The following PDSS2 variants were observed in gnomAD, a reference collection of about 807,000 sequenced individuals.
The protein encoded by PDSS2 is decaprenyl diphosphate synthase subunit 2, also known as all trans-polyprenyl-diphosphate synthase PDSS2.
A neutral mutation model predicts 44.5 loss-of-function variants in PDSS2; 31 were observed. The observed-to-expected ratio is 0.70, with a 90% CI of 0.52 to 0.94. PDSS2 has a LOEUF of 0.94. Ranked by LOEUF, PDSS2 falls within the 40% of genes least tolerant of loss-of-function variation. The pLI, the probability that PDSS2 is intolerant of heterozygous loss-of-function variation, is 0.00. For missense variants in PDSS2, 452 were observed against 482.2 expected (o/e 0.94, Z 0.59); for synonymous variants, 157 against 180.3 (o/e 0.87, Z 1.03).
chr6:107,327,659 G>A (rs891314514), intron 2 of PDSS2, among the ~76,000 whole-genome samples: 4 of 152,094 alleles, frequency 2.6e-5, no homozygotes, highest in East Asian at 1.9e-4. Flanking sequence ...GGGTTTCACC[G>A]CCTTGGCCAG....
At chr6:107,203,029 A>C (rs1445344725) in intron 6 of PDSS2, among the ~76,000 whole-genome samples, 1 of 151,104 alleles carries the variant, frequency 6.6e-6, no homozygotes, top group Non-Finnish European at 1.5e-5. Flanking sequence ...GAAATTTTAA[A>C]TTGCACAGTG....
In PDSS2 at chr6:107,200,076, C is replaced by T. The variant is rs369222779; in HGVS notation, c.1009-6222G>A. On this transcript the variant is annotated intron_variant, in intron 6 of 7. Coordinates refer to ENST00000369037, the MANE Select transcript of PDSS2 (RefSeq NM_020381.4). ...AAGTGCTTCAACCTTAAAAGCAGTG[C>T]GTCTAAAGGAAAAGACCTTAGAATG... is the stretch of plus-strand genomic sequence containing the variant. Among the ~76,000 whole-genome samples, 97 of 152,140 alleles carry T rather than the reference C, an allele frequency of 6.4e-4. 1 individual carries two copies. The highest frequency in any genetic ancestry group is 2.1e-3 in the African/African-American group (89 of 41,500).
chr6:107,408,095 T>G (rs900476971), intron 1 of PDSS2, among the ~76,000 whole-genome samples: 1 of 151,998 alleles, frequency 6.6e-6, no homozygotes, highest in Admixed American at 6.6e-5. Context: ...TGGCATGATC[T>G]TGGCTCACTG....
intron 1 of PDSS2, among the ~76,000 whole-genome samples, chr6:107,396,486 CATTGCCCAGTT>C (rs2114560003): frequency 6.6e-6 from 1 of 152,252 alleles, no homozygotes; most frequent in South Asian, 2.1e-4. Context: ...GTTTCAGGTA[CATTGCCCAGTT>C]ATTCAGTTGT....
chr6:107,291,373 G>T (rs1465091800), intron 2 of PDSS2, among the ~76,000 whole-genome samples: 2 of 144,652 alleles, frequency 1.4e-5, no homozygotes, highest in Admixed American at 6.9e-5. Context: ...TTTGAGACAG[G>T]GTCTCACTCT....
chr6:107,154,845 G>A, intron 7 of PDSS2, 68 bp from the exon 8 acceptor site: 1 of 1,357,044 alleles, frequency 7.4e-7, no homozygotes, highest in Non-Finnish European at 1.1e-6. Context: ...CAATTAAATT[G>A]GGGAGGGGAG....
At chr6:107,425,751 G>A (rs1780979292) in intron 1 of PDSS2, among the ~76,000 whole-genome samples, 1 of 152,162 alleles carries the variant, frequency 6.6e-6, no homozygotes, top group African/African-American at 2.4e-5. Flanking sequence ...CACGAGGTCA[G>A]GAAATCGAGA....
chr6:107,313,234 TGTTCAGAA>T (rs1195654386), intron 2 of PDSS2, among the ~76,000 whole-genome samples: 1 of 152,242 alleles, frequency 6.6e-6, no homozygotes, highest in Non-Finnish European at 1.5e-5. Context: ...TATACTTCCT[TGTTCAGAA>T]GTTCAGAATA....
chr6:107,334,321 T>C lies in PDSS2; in HGVS notation c.308A>G (p.His103Arg). 1.9e-6 allele frequency: 3 copies of C among 1,613,618 alleles called. No individual in the cohort carries two copies. Among genetic ancestry groups the C allele is most frequent in the Non-Finnish European group, 1.7e-6 (2 of 1,179,786 alleles). Residue 103 changes from histidine (H) to arginine (R), a missense_variant, in exon 2 of 8, where the codon CAT (histidine) becomes CGT (arginine). By Grantham distance (29) the His-to-Arg change is conservative (BLOSUM62 0). Transcript: ENST00000369037. ...PLLTTARGLVHDSWNSLQLRG... is the reference protein window; with the variant it reads ...PLLTTARGLVRDSWNSLQLRG... Reference sequence around the variant, plus strand: ...CAACTGGAGGCTATTCCAGCTGTCATGTACAAGCCCCCTGCCAACAAGCAA... The same window carrying C: ...CAACTGGAGGCTATTCCAGCTGTCACGTACAAGCCCCCTGCCAACAAGCAA...
intron 4 of PDSS2, among the ~76,000 whole-genome samples, chr6:107,243,347 G>A (rs1487741925): frequency 6.6e-6 from 1 of 152,110 alleles, no homozygotes; most frequent in Non-Finnish European, 1.5e-5. Context: ...ACTGTAAAGG[G>A]CTATCTAAGT....
intron 1 of PDSS2, among the ~76,000 whole-genome samples, chr6:107,455,149 A>G (rs1478052274): frequency 2.0e-5 from 3 of 151,174 alleles, no homozygotes; most frequent in Non-Finnish European, 2.9e-5. Context: ...TCACTGTACT[A>G]TAGTACTACA....
intron 1 of PDSS2, among the ~76,000 whole-genome samples, chr6:107,346,890 C>T (rs1778263898): frequency 6.6e-6 from 1 of 152,164 alleles, no homozygotes; most frequent in African/African-American, 2.4e-5. Context: ...TGATAGAGTT[C>T]GACCAGCAGA....
intron 1 of PDSS2, among the ~76,000 whole-genome samples, chr6:107,390,812 C>T (rs963829195): frequency 4.6e-5 from 7 of 152,032 alleles, no homozygotes; most frequent in African/African-American, 1.7e-4. Flanking sequence ...CCAGAATCAT[C>T]CTGGAAACAC....
chr6:107,290,900 C>G (rs1300712595), intron 2 of PDSS2, among the ~76,000 whole-genome samples: 1 of 151,910 alleles, frequency 6.6e-6, no homozygotes, highest in African/African-American at 2.4e-5. Context: ...TATCTCTCCC[C>G]AAAGTCCCAA....
intron 2 of PDSS2, among the ~76,000 whole-genome samples, chr6:107,283,090 G>A (rs181355301): frequency 7.6e-4 from 115 of 151,612 alleles, no homozygotes; most frequent in African/African-American, 2.5e-3. Flanking sequence ...AGGCCAAGGC[G>A]GGGAGGATTG....
intron 1 of PDSS2, among the ~76,000 whole-genome samples, chr6:107,344,909 A>T (rs943331009): frequency 6.6e-6 from 1 of 152,204 alleles, no homozygotes; most frequent in African/African-American, 2.4e-5. Context: ...AAAAATACTA[A>T]TGGAAAATAG....
chr6:107,267,432 TC>T (rs1429135247), intron 3 of PDSS2, among the ~76,000 whole-genome samples: 1 of 152,084 alleles, frequency 6.6e-6, no homozygotes, highest in Non-Finnish European at 1.5e-5. Flanking sequence ...AGTTTGTGAG[TC>T]CCAGGGGCAA....
chr6:107,419,942 C>G (rs1029619365), intron 1 of PDSS2, among the ~76,000 whole-genome samples: 7 of 152,162 alleles, frequency 4.6e-5, no homozygotes, highest in Admixed American at 1.3e-4. Context: ...TCAGAGTTAA[C>G]ACCACATGCA....
intron 2 of PDSS2, among the ~76,000 whole-genome samples, chr6:107,298,719 G>A (rs1008196160): frequency 6.6e-6 from 1 of 152,192 alleles, no homozygotes; most frequent in Non-Finnish European, 1.5e-5. Context: ...CTAGGTTTTA[G>A]TAAAGAGTTT....
Sources: gnomAD v4.1 joint callset for allele counts (sites outside exome capture counted in the v4.1 genomes callset) on GRCh38, gnomAD v4.1.1 for gene constraint, MANE v1.5 for transcripts, NCBI Gene and HGNC (gene_info 2026-07-23, HGNC 2026-07-21) for gene names.